Variants in NMNAT2 observed in about 807,000 individuals in gnomAD.
The protein encoded by NMNAT2 is nicotinamide/nicotinic acid mononucleotide adenylyltransferase 2.
In NMNAT2, 11 loss-of-function variants were observed where a neutral mutation model predicts 41.6. The ratio of observed to expected loss-of-function variants is 0.26; its 90% CI spans 0.17 to 0.44. The LOEUF (loss-of-function observed/expected upper bound fraction) is 0.44. Among genes scored for constraint, NMNAT2 ranks in the 20% least tolerant of loss-of-function variants. The pLI, the probability that NMNAT2 is intolerant of heterozygous loss-of-function variation, is 1.00. For missense variants in NMNAT2, 288 were observed against 407.7 expected, an observed-to-expected ratio of 0.71 and a Z score of 2.53; for synonymous variants, 148 against 151.2, an observed-to-expected ratio of 0.98 and a Z score of 0.16.
rs201344029 is a variant in NMNAT2, at chr1:183,250,732, A to G, written c.*1909T>C. ...TCAAACACTGATACCCCAAAATAGG[A>G]TTTTCCTTCCTTCCTCTGAAGATTA... On this transcript the variant is annotated 3_prime_UTR_variant, in exon 11 of 11. Transcript: ENST00000287713. The G allele has an allele frequency of 6.6e-5, 10 of 152,528 alleles. No homozygotes were observed. Among genetic ancestry groups the G allele is most frequent in the Non-Finnish European group, 1.3e-4 (9 of 68,006 alleles). 9.4% of individuals were successfully genotyped at this position (152,528 alleles called of 1,614,324 possible). A position where few individuals can be genotyped will look rare whatever the true frequency, so the allele number is the denominator to read the frequency against.
chr1:183,331,229 C>A (rs1021690165), intron 1 of NMNAT2, among the ~76,000 whole-genome samples: 1 of 118,388 alleles, frequency 8.4e-6, no homozygotes, highest in South Asian at 3.4e-4. Context: ...GGAAAGAGGG[C>A]AGACATCAAT....
intron 1 of NMNAT2, among the ~76,000 whole-genome samples, chr1:183,317,589 A>G (rs1662279972): frequency 6.6e-6 from 1 of 152,070 alleles, no homozygotes; most frequent in African/African-American, 2.4e-5. Flanking sequence ...ATGGATTTCT[A>G]TGTACTCTCT....
intron 1 of NMNAT2, among the ~76,000 whole-genome samples, chr1:183,342,022 CT>C (rs11355849): frequency 0.5 from 66,301 of 132,374 alleles, 17,378 homozygotes; most frequent in East Asian, 0.84. Flanking sequence ...CCTTCCTCAC[CT>C]TTTTTTTTTT....
rs1660418121 is a variant in NMNAT2, at chr1:183,252,574, G to A, written c.*67C>T. 3.6e-6 allele frequency: 4 copies of A among 1,097,306 alleles called. No homozygotes were observed. In the African/African-American group the frequency reaches 4.6e-5, roughly 13 times the overall value. The allele number at this position is 1,097,306 out of a possible 1,614,324, so 68.0% of individuals were successfully genotyped here. Reference sequence around the variant, plus strand: ...AGACGAGGAGATGGAGAAACAGAGAGGCAGGAGAGAAACAGGGGGCTGACA... The same window carrying A: ...AGACGAGGAGATGGAGAAACAGAGAAGCAGGAGAGAAACAGGGGGCTGACA... On this transcript the variant is annotated 3_prime_UTR_variant, in exon 11 of 11. Transcript: ENST00000287713.
At chr1:183,342,895 G>A (rs1662848922) in intron 1 of NMNAT2, among the ~76,000 whole-genome samples, 1 of 116,326 alleles carries the variant, frequency 8.6e-6, no homozygotes, top group Non-Finnish European at 1.8e-5. Context: ...CATCATGACT[G>A]GCTAATTATT....
chr1:183,310,631 A>G (rs1332088183), intron 1 of NMNAT2, among the ~76,000 whole-genome samples: 1 of 152,200 alleles, frequency 6.6e-6, no homozygotes, highest in Non-Finnish European at 1.5e-5. Flanking sequence ...TTGTAAGAAG[A>G]AAGTGCTACT....
intron 1 of NMNAT2, among the ~76,000 whole-genome samples, chr1:183,322,451 C>T (rs1258080936): frequency 1.3e-5 from 2 of 152,106 alleles, no homozygotes; most frequent in East Asian, 1.9e-4. Context: ...GGCTAGGTAC[C>T]TTCTTCTCAT....
At chr1:183,324,541 A>G (rs1387053020) in intron 1 of NMNAT2, among the ~76,000 whole-genome samples, 1 of 152,044 alleles carries the variant, frequency 6.6e-6, no homozygotes, top group Non-Finnish European at 1.5e-5. Flanking sequence ...CATTTTCACC[A>G]TCCTCAGTTC....
intron 1 of NMNAT2, among the ~76,000 whole-genome samples, chr1:183,377,538 T>G (rs1437932039): frequency 6.6e-6 from 1 of 152,182 alleles, no homozygotes; most frequent in Non-Finnish European, 1.5e-5. Context: ...AAGACTTTGG[T>G]GCACTAAGGG....
intron 1 of NMNAT2, among the ~76,000 whole-genome samples, chr1:183,360,691 C>T (rs144236663): frequency 2.0e-5 from 3 of 152,268 alleles, no homozygotes; most frequent in Admixed American, 6.5e-5. Flanking sequence ...AGAAAGGAAA[C>T]GAATCTATAA....
At chr1:183,325,141 G>A (rs1022748679) in intron 1 of NMNAT2, among the ~76,000 whole-genome samples, 2 of 152,184 alleles carry the variant, frequency 1.3e-5, no homozygotes, top group African/African-American at 2.4e-5. Flanking sequence ...CTGATCTGCT[G>A]AAGTGGGAAG....
intron 1 of NMNAT2, among the ~76,000 whole-genome samples, chr1:183,380,088 C>A (rs1004366537): frequency 6.6e-6 from 1 of 152,166 alleles, no homozygotes; most frequent in Non-Finnish European, 1.5e-5. Context: ...GAAAGCTATC[C>A]CTTACATCAC....
chr1:183,280,624 G>A (rs1475665440), intron 7 of NMNAT2, among the ~76,000 whole-genome samples: 1 of 151,954 alleles, frequency 6.6e-6, no homozygotes, highest in Non-Finnish European at 1.5e-5. Flanking sequence ...CTGACCTCAA[G>A]TGATCTGCCC....
chr1:183,318,502 T>C (rs1662298228), intron 1 of NMNAT2, among the ~76,000 whole-genome samples: 1 of 152,086 alleles, frequency 6.6e-6, no homozygotes, highest in South Asian at 2.1e-4. Context: ...CAGAGAGAGA[T>C]TCATTGTGTT....
chr1:183,253,080 A>G (rs1204655337), intron 10 of NMNAT2, among the ~76,000 whole-genome samples: 4 of 152,068 alleles, frequency 2.6e-5, no homozygotes, highest in Non-Finnish European at 5.9e-5. Flanking sequence ...AAGCACTTAG[A>G]AGAGTGCCAG....
At position 183,371,635 on chromosome 1, in the gene NMNAT2, T is replaced by C. The variant is rs569951641; in HGVS notation, c.85+46548A>G. Among the ~76,000 whole-genome samples, 32 of 152,252 alleles carry C rather than the reference T, an allele frequency of 2.1e-4. No homozygotes were observed. The East Asian group carries it at 5.8e-3, about 28-fold the overall frequency. ...AAACTAAAACTTCTCTTAAAAAACATTTTTTTAAAAAAGGAGTTTGAAGGG... is the reference window on the plus strand; with the variant it reads ...AAACTAAAACTTCTCTTAAAAAACACTTTTTTAAAAAAGGAGTTTGAAGGG... On this transcript the variant is annotated intron_variant, in intron 1 of 10. Transcript: ENST00000287713.
rs1179860529 is a variant in NMNAT2 at position 183,262,452 on chromosome 1, T to C, written c.652-1149A>G. 2.6e-5 allele frequency among the ~76,000 whole-genome samples: 4 copies of C among 152,234 alleles called. No individual in the cohort carries two copies. The East Asian group carries it at 7.7e-4, about 29-fold the overall frequency. On this transcript the variant is annotated intron_variant, in intron 8 of 10. Transcript: ENST00000287713. Reference sequence around the variant, plus strand: ...AAATTATAAAATTAGTCATTTTACCTACCTTTTTTCATTAGCATTATATTT... The same window carrying C: ...AAATTATAAAATTAGTCATTTTACCCACCTTTTTTCATTAGCATTATATTT...
At chr1:183,354,179 A>G (rs568959583) in intron 1 of NMNAT2, among the ~76,000 whole-genome samples, 2 of 152,206 alleles carry the variant, frequency 1.3e-5, no homozygotes, top group South Asian at 2.1e-4. Context: ...CAGATAGTCA[A>G]TTGCTGCAGC....
At chr1:183,411,565 A>G (rs747815861) in intron 1 of NMNAT2, among the ~76,000 whole-genome samples, 1 of 152,010 alleles carries the variant, frequency 6.6e-6, no homozygotes, top group Non-Finnish European at 1.5e-5. Flanking sequence ...CAGCCTCCCA[A>G]ATTGCTGGGA....
Sources: allele counts gnomAD v4.1 joint callset (sites outside exome capture counted in the v4.1 genomes callset), GRCh38; gene constraint gnomAD v4.1.1; transcripts MANE v1.5; gene names NCBI Gene and HGNC (gene_info 2026-07-23, HGNC 2026-07-21).